Variants in SAMD12 observed in about 807,000 individuals in gnomAD.
SAMD12 encodes sterile alpha motif domain-containing protein 12.
Under a neutral mutation model 15.0 loss-of-function variants are expected in SAMD12, and 9 were observed. The observed-to-expected ratio is 0.60, with a 90% CI of 0.36 to 1.05. The LOEUF (loss-of-function observed/expected upper bound fraction) is 1.05. SAMD12 is among the 50% of genes least tolerant of loss of function. The pLI, the probability that SAMD12 is intolerant of heterozygous loss-of-function variation, is 0.01. For missense variants in SAMD12, 230 were observed against 234.2 expected (o/e 0.98, Z 0.12); for synonymous variants, 86 against 90.1 (o/e 0.96, Z 0.25).
intron 1 of SAMD12, among the ~76,000 whole-genome samples, chr8:118,603,555 A>T (rs1827914900): frequency 6.6e-6 from 1 of 152,236 alleles, no homozygotes. Context: ...AGGGTAGAAT[A>T]AAGTCTTTTT....
chr8:118,150,906 T>C, the SAMD12 span, among the ~76,000 whole-genome samples: 1 of 152,108 alleles, frequency 6.6e-6, no homozygotes, highest in Non-Finnish European at 1.5e-5. Flanking sequence ...TTTTTTGGAG[T>C]ATTTTTCAAA....
the SAMD12 span, among the ~76,000 whole-genome samples, chr8:118,152,454 C>CCTTCCTT: frequency 3.5e-5 from 5 of 144,380 alleles, no homozygotes; most frequent in East Asian, 2.1e-4. Context: ...CTCCCTCCCT[C>CCTTCCTT]CCTACCTTCC....
At chr8:118,604,693 G>C (rs1007575504) in intron 1 of SAMD12, among the ~76,000 whole-genome samples, 1 of 152,120 alleles carries the variant, frequency 6.6e-6, no homozygotes, top group African/African-American at 2.4e-5. Context: ...AGGCTGAGGC[G>C]GGCGGATGAG....
chr8:118,492,774 C>T (rs1810142813), intron 2 of SAMD12, among the ~76,000 whole-genome samples: 1 of 152,142 alleles, frequency 6.6e-6, no homozygotes, highest in South Asian at 2.1e-4. Flanking sequence ...CTGGCAAGCT[C>T]TTCAGAGCCT....
intron 4 of SAMD12, among the ~76,000 whole-genome samples, chr8:118,290,744 A>G (rs1020075892): frequency 1.7e-4 from 26 of 152,342 alleles, no homozygotes; most frequent in Middle Eastern, 3.4e-3. Context: ...TCATAGGGAA[A>G]CTAAGTTCTG....
chr8:118,247,740 G>A (rs1161904014), intron 4 of SAMD12, among the ~76,000 whole-genome samples: 1 of 151,918 alleles, frequency 6.6e-6, no homozygotes, highest in Non-Finnish European at 1.5e-5. Flanking sequence ...CTACAGGCAC[G>A]CACCACCACT....
At chr8:118,548,384 TACACACACACACAC>T (rs36228827) in intron 2 of SAMD12, among the ~76,000 whole-genome samples, 322 of 139,906 alleles carry the variant, frequency 2.3e-3, no homozygotes, top group Non-Finnish European at 3.5e-3. Context: ...AAAACACACA[TACACACACACACAC>T]ACACACACAC....
At chr8:118,148,535 T>C in the SAMD12 span, among the ~76,000 whole-genome samples, 2 of 152,208 alleles carry the variant, frequency 1.3e-5, no homozygotes, top group South Asian at 4.1e-4. Context: ...CATTGAGTTA[T>C]AATATATATA....
the SAMD12 span, among the ~76,000 whole-genome samples, chr8:118,170,240 T>C: frequency 2.0e-5 from 3 of 152,184 alleles, no homozygotes; most frequent in African/African-American, 4.8e-5. Context: ...ATGCCATCCA[T>C]ACTTAGTTTG....
At chr8:118,255,895 G>C (rs1812928037) in intron 4 of SAMD12, among the ~76,000 whole-genome samples, 1 of 152,016 alleles carries the variant, frequency 6.6e-6, no homozygotes, top group Admixed American at 6.6e-5. Flanking sequence ...GGGTCAAATG[G>C]TATTTCTAGT....
intron 4 of SAMD12, among the ~76,000 whole-genome samples, chr8:118,201,830 CCT>C (rs1158043145): frequency 6.6e-6 from 1 of 152,178 alleles, no homozygotes; most frequent in Non-Finnish European, 1.5e-5. Context: ...CTTTTTCAAA[CCT>C]CTGTTTGATG....
chr8:118,361,749 A>G (rs1473230295), intron 4 of SAMD12, among the ~76,000 whole-genome samples: 1 of 152,206 alleles, frequency 6.6e-6, no homozygotes, highest in East Asian at 1.9e-4. Flanking sequence ...CAAGAAAATC[A>G]TTCACACATT....
At chr8:118,517,600 C>T (rs1825278464) in intron 2 of SAMD12, among the ~76,000 whole-genome samples, 1 of 152,178 alleles carries the variant, frequency 6.6e-6, no homozygotes, top group Non-Finnish European at 1.5e-5. Context: ...AGAAAAACCA[C>T]AACGGCCCAT....
chr8:118,555,864 T>C (rs16891185), intron 2 of SAMD12, among the ~76,000 whole-genome samples: 4,037 of 152,286 alleles, frequency 0.027, 176 homozygotes, highest in African/African-American at 0.089. Flanking sequence ...CAATGTAAAA[T>C]TGGGTAATAG....
intron 1 of SAMD12, among the ~76,000 whole-genome samples, chr8:118,586,565 A>T (rs1476056042): frequency 6.6e-6 from 1 of 151,322 alleles, no homozygotes; most frequent in Non-Finnish European, 1.5e-5. Context: ...CTGGTCTTAG[A>T]CTCCTGGGCT....
intron 2 of SAMD12, among the ~76,000 whole-genome samples, chr8:118,579,413 A>G (rs1563594863): frequency 6.6e-6 from 1 of 152,164 alleles, no homozygotes; most frequent in Non-Finnish European, 1.5e-5. Context: ...ATCAGCCAGT[A>G]AATATCCTAT....
exon 5 of SAMD12, chr8:118,196,743 G>A (rs1819573774): frequency 6.6e-6 from 1 of 152,138 alleles, no homozygotes; most frequent in African/African-American, 2.4e-5. Flanking sequence ...GCATTCTGTT[G>A]CCCTTACCAT....
chr8:118,595,768 C>T (rs1372771872), intron 1 of SAMD12, among the ~76,000 whole-genome samples: 1 of 152,192 alleles, frequency 6.6e-6, no homozygotes, highest in Non-Finnish European at 1.5e-5. Context: ...CTCCATTTGA[C>T]TATTAATTAT....
chr8:118,570,951 G>A (rs985364702), intron 2 of SAMD12, among the ~76,000 whole-genome samples: 1 of 152,178 alleles, frequency 6.6e-6, no homozygotes, highest in African/African-American at 2.4e-5. Flanking sequence ...TGTAAGACAT[G>A]ACTTGTTCCT....
Sources: gnomAD v4.1 joint callset for allele counts (sites outside exome capture counted in the v4.1 genomes callset) on GRCh38, gnomAD v4.1.1 for gene constraint, MANE v1.5 for transcripts, NCBI Gene and HGNC (gene_info 2026-07-23, HGNC 2026-07-21) for gene names.